The following LOXL4 variants were observed in gnomAD, a reference collection of about 807,000 sequenced individuals.
LOXL4 encodes the protein lysyl oxidase homolog 4.
In LOXL4, 72 loss-of-function variants were observed where a neutral mutation model predicts 89.1. The ratio of observed to expected loss-of-function variants is 0.81; its 90% confidence interval spans 0.67 to 0.98. The LOEUF (loss-of-function observed/expected upper bound fraction) is 0.98, where lower values mean the gene tolerates loss of function less well. Ranked by LOEUF, LOXL4 falls within the 50% of genes least tolerant of loss-of-function variation. The pLI is 0.00. For missense variants in LOXL4, 984 were observed against 1,017.5 expected (o/e 0.97, Z 0.45); for synonymous variants, 355 against 392.1 (o/e 0.91, Z 1.12).
chr10:98,263,137 A>C, intron 1 of LOXL4, 86 bp from the exon 2 acceptor site: 1 of 1,077,926 alleles, frequency 9.3e-7, no homozygotes, highest in Non-Finnish European at 1.3e-6. Context: ...CTGGCAAGAC[A>C]AAGGAAAGAA....
In LOXL4 at chr10:98,251,164, G is replaced by A. The variant is rs890858839; in HGVS notation, c.2101C>T (p.Pro701Ser). 1 of 1,612,882 alleles carries A rather than the reference G, an allele frequency of 6.2e-7. No individual in the cohort carries two copies. Among genetic ancestry groups the A allele is most frequent in the Non-Finnish European group, 8.5e-7 (1 of 1,178,944 alleles). ...GNYIFQVIVN[P>S]HYEVAESDFS... is the part of the protein sequence containing the mutation. ...TCTGACTCTGCCACTTCATAGTGGG[G>A]GTTCACAATCACCTAGAGTGAAAGA... The change falls in exon 14 of 15, where the codon CCC (proline) becomes TCC (serine). Residue 701 changes from proline to serine, a missense_variant. Coordinates refer to ENST00000260702, the MANE Select transcript of LOXL4 (RefSeq NM_032211.7).
chr10:98,262,725 G>A lies in LOXL4; in HGVS notation c.277+18C>T. 1 of 1,606,092 alleles carries A rather than the reference G, an allele frequency of 6.2e-7. No individual in the cohort carries two copies. Among genetic ancestry groups the A allele is most frequent in the Non-Finnish European group, 8.5e-7 (1 of 1,174,924 alleles). On this transcript the variant is annotated intron_variant, in intron 2 of 14. Transcript: ENST00000260702. Reference sequence around the variant, plus strand: ...TACCATCTCCTTGCCATCCCACTAGGTGGCACCAGTCACTCACCCTCCCCT... The same window carrying A: ...TACCATCTCCTTGCCATCCCACTAGATGGCACCAGTCACTCACCCTCCCCT...
At chr10:98,250,677 G>T (rs1858164864) in intron 14 of LOXL4, among the ~76,000 whole-genome samples, 3 of 152,148 alleles carry the variant, frequency 2.0e-5, no homozygotes, top group African/African-American at 7.2e-5. Flanking sequence ...GCAACACAGA[G>T]CAAGAGGACT....
In LOXL4 at chr10:98,259,127, G is replaced by C. The variant is rs758387243; in HGVS notation, c.803C>G (p.Ala268Gly). The C allele has an allele frequency of 1.9e-6, 3 of 1,610,192 alleles. No individual in the cohort carries two copies. Among genetic ancestry groups the C allele is most frequent in the Non-Finnish European group, 2.5e-6 (3 of 1,178,976 alleles). Residue 268 changes from alanine to glycine, a missense_variant, in exon 6 of 15, where the codon GCC becomes GGC. By Grantham distance (60) the Ala-to-Gly change is moderately conservative (BLOSUM62 0). Transcript: ENST00000260702. ...GCAGGCTGGCCGCAGCTTGCCCCGG[G>C]CTGGAGCCACCTGCACCTGGCAGTT... ...MANCQVQVAPARGKLRPACPG... is the reference protein window; with the variant it reads ...MANCQVQVAPGRGKLRPACPG...
chr10:98,252,365 T>C lies in LOXL4; in HGVS notation c.1939A>G (p.Asn647Asp), dbSNP rs2135824911. ...HKASFCLEDT[N>D]CPTGLQRRYA... is the part of the protein sequence containing the mutation. The stretch of plus-strand genomic sequence containing the variant: ...GGAAACCACATACCTGTGGGGCAGT[T>C]TGTGTCCTCCAGACAGAAGCTGGCC... Residue 647 changes from asparagine (N) to aspartate (D), a missense_variant, in exon 12 of 15, where the codon AAC (asparagine) becomes GAC (aspartate). Physicochemically the swap from Asn to Asp is conservative, Grantham distance 23. Coordinates refer to ENST00000260702, the MANE Select transcript of LOXL4 (RefSeq NM_032211.7). 1 of 1,613,102 alleles carries C rather than the reference T, an allele frequency of 6.2e-7. No homozygotes were observed. Among genetic ancestry groups the C allele is most frequent in the East Asian group, 2.2e-5 (1 of 44,862 alleles).
intron 10 of LOXL4, among the ~76,000 whole-genome samples, chr10:98,255,348 T>C (rs1310917620): frequency 1.3e-5 from 2 of 152,242 alleles, no homozygotes; most frequent in African/African-American, 4.8e-5. Flanking sequence ...TTCCGTGTCC[T>C]TGTGCTTCCT....
intron 14 of LOXL4, among the ~76,000 whole-genome samples, chr10:98,250,743 T>C (rs1858167080): frequency 6.6e-6 from 1 of 152,060 alleles, no homozygotes; most frequent in African/African-American, 2.4e-5. Flanking sequence ...AAAGGAAAAA[T>C]AATGGACTTG....
rs112390578 is a variant in LOXL4 at position 98,263,913 on chromosome 10, A to G, written c.-32-862T>C. ...GCCCAGCTAATTTTTTTGTATCTGT[A>G]GTAGAGACGGGGTTTCACCATCTTG... On this transcript the variant is annotated intron_variant, in intron 1 of 14. Coordinates refer to ENST00000260702, the MANE Select transcript of LOXL4 (RefSeq NM_032211.7). Among the ~76,000 whole-genome samples the G allele has an allele frequency of 1.7e-3, 262 of 151,768 alleles. 1 individual carries two copies. The highest frequency in any genetic ancestry group is 6.2e-3 in the African/African-American group (255 of 41,414).
At position 98,251,072 on chromosome 10, in the gene LOXL4, G is replaced by C; in HGVS notation, c.2193C>G (p.Cys731Trp). The change falls in exon 14 of 15, where the codon TGC becomes TGG. Residue 731 changes from cysteine (C) to tryptophan (W), a missense_variant. Coordinates refer to ENST00000260702, the MANE Select transcript of LOXL4 (RefSeq NM_032211.7). The part of the protein sequence containing the change: ...YDGHRVWLHN[C>W]HTGNSYPANA... ...ACAGTGGCTCGGAGTTACCTGTGTGGCAGTTGTGCAGCCAGACCCGGTGCC... is the reference window on the plus strand; with the variant it reads ...ACAGTGGCTCGGAGTTACCTGTGTGCCAGTTGTGCAGCCAGACCCGGTGCC... 1 of 1,613,308 alleles carries C rather than the reference G, an allele frequency of 6.2e-7. No homozygotes were observed. The highest frequency in any genetic ancestry group is 8.5e-7 in the Non-Finnish European group (1 of 1,179,322).
chr10:98,266,128 G>A (rs1365452113), intron 1 of LOXL4, among the ~76,000 whole-genome samples: 1 of 152,168 alleles, frequency 6.6e-6, no homozygotes, highest in Non-Finnish European at 1.5e-5. Flanking sequence ...CAGGGACTGA[G>A]CCAAACCACT....
chr10:98,262,237 A>G lies in LOXL4; in HGVS notation c.278-24T>C, dbSNP rs776042009. The G allele has an allele frequency of 6.2e-6, 10 of 1,611,472 alleles. No homozygotes were observed. The Admixed American group carries it at 8.4e-5, about 13-fold the overall frequency. ...TCCTGTGGAGTGGAGGTGATGCTCA[A>G]AGATGGCACAGAGAGGCAGGTCACA... On this transcript the variant is annotated intron_variant, in intron 2 of 14. Transcript: ENST00000260702.
chr10:98,259,159 G>A lies in LOXL4; in HGVS notation c.771C>T (p.His257=), dbSNP rs563426029. The part of the protein sequence containing the change: ...HQVTCLGTEP[H]MANCQVQVAP... ...CCACCTGCACCTGGCAGTTGGCCATGTGGGGCTCTGTCCCCAGGCAGGTGA... is the reference window on the plus strand; with the variant it reads ...CCACCTGCACCTGGCAGTTGGCCATATGGGGCTCTGTCCCCAGGCAGGTGA... The change falls in exon 6 of 15, where the codon CAC becomes CAT. Residue 257 remains histidine (H), a synonymous_variant. Transcript: ENST00000260702. 2.5e-6 allele frequency: 4 copies of A among 1,612,300 alleles called. No homozygotes were observed. The African/African-American group carries it at 4.0e-5, about 16-fold the overall frequency.
intron 12 of LOXL4, 39 bp from the exon 13 acceptor site, chr10:98,251,741 A>G: frequency 6.2e-7 from 1 of 1,610,454 alleles, no homozygotes; most frequent in Non-Finnish European, 8.5e-7. Flanking sequence ...AGGCAGGACG[A>G]AGCACTCTGC....
At chr10:98,260,294 G>A (rs1590882839) in intron 4 of LOXL4, among the ~76,000 whole-genome samples, 1 of 152,196 alleles carries the variant, frequency 6.6e-6, no homozygotes, top group East Asian at 1.9e-4. Flanking sequence ...ATTCGCAGTG[G>A]AATTGAGGAT....
chr10:98,251,092 G>T lies in LOXL4; in HGVS notation c.2173C>A (p.Arg725=). The T allele has an allele frequency of 5.6e-6, 9 of 1,614,020 alleles. No homozygotes were observed. The highest frequency in any genetic ancestry group is 7.6e-6 in the Non-Finnish European group (9 of 1,179,966). Residue 725 remains arginine (R), a synonymous_variant, in exon 14 of 15, where the codon CGG becomes AGG. Transcript: ENST00000260702. ...LQCRCKYDGH[R]VWLHNCHTGN... is the part of the protein sequence containing the mutation. ...GTGTGGCAGTTGTGCAGCCAGACCC[G>T]GTGCCCATCATACTTGCAGCGGCAC... is the stretch of plus-strand genomic sequence containing the variant.
chr10:98,257,799 C>G lies in LOXL4; in HGVS notation c.1111G>C (p.Gly371Arg). 1.9e-6 allele frequency: 3 copies of G among 1,612,074 alleles called. No homozygotes were observed. The highest frequency in any genetic ancestry group is 1.7e-6 in the Non-Finnish European group (2 of 1,178,772). ...LFGARLGQGLGPIHLSEVRCR... is the reference protein window; with the variant it reads ...LFGARLGQGLRPIHLSEVRCR... ...CGCACCTCACTCAGGTGGATGGGCCCTAGCCCTAGATGGGGAGAGAGGTGC... is the reference window on the plus strand; with the variant it reads ...CGCACCTCACTCAGGTGGATGGGCCGTAGCCCTAGATGGGGAGAGAGGTGC... Residue 371 changes from glycine (G) to arginine (R), a missense_variant, in exon 8 of 15, where the codon GGG becomes CGG. Transcript: ENST00000260702.
chr10:98,263,195 G>C (rs984251743), intron 1 of LOXL4, 144 bp from the exon 2 acceptor site: 3 of 600,732 alleles, frequency 5.0e-6, no homozygotes, highest in South Asian at 2.4e-5. Flanking sequence ...CACACACACA[G>C]TGGCATTAAT....
chr10:98,261,683 T>C (rs564624561), intron 3 of LOXL4, among the ~76,000 whole-genome samples: 186 of 152,344 alleles, frequency 1.2e-3, no homozygotes, highest in African/African-American at 4.1e-3. Flanking sequence ...GCTCCTGTTG[T>C]TTGGCTTGGG....
chr10:98,251,045 C>A lies in LOXL4; in HGVS notation c.2200+20G>T, dbSNP rs753717983. On this transcript the variant is annotated intron_variant, in intron 14 of 14. Transcript: ENST00000260702. ...TCCCTGAGCCTATAGATGGCTGATT[C>A]CACAGTGGCTCGGAGTTACCTGTGT... 6.3e-7 allele frequency: 1 copy of A among 1,583,068 alleles called. No homozygotes were observed. Among genetic ancestry groups the A allele is most frequent in the East Asian group, 2.2e-5 (1 of 44,744 alleles).
Sources: allele counts gnomAD v4.1 joint callset (sites outside exome capture counted in the v4.1 genomes callset), GRCh38; gene constraint gnomAD v4.1.1; transcripts MANE v1.5; gene names NCBI Gene and HGNC (gene_info 2026-07-23, HGNC 2026-07-21).